Variants in EPHA6 observed in about 807,000 individuals in gnomAD.
The protein encoded by EPHA6 is EPH receptor A6, also known as ephrin type-A receptor 6.
Under a neutral mutation model 112.0 loss-of-function variants are expected in EPHA6, and 50 were observed. The observed-to-expected ratio is 0.45, with a 90% CI of 0.36 to 0.56. The LOEUF (loss-of-function observed/expected upper bound fraction) is 0.56, where lower values mean the gene tolerates loss of function less well. EPHA6 is among the 20% of genes least tolerant of loss of function. The pLI is 0.00. For synonymous variants in EPHA6, 529 were observed against 490.7 expected, an observed-to-expected ratio of 1.08 and a Z score of -1.03; for missense variants, 1,280 against 1,417.4, an observed-to-expected ratio of 0.90 and a Z score of 1.56.
chr3:97,431,215 T>C (rs2089483004), intron 6 of EPHA6, among the ~76,000 whole-genome samples: 1 of 152,134 alleles, frequency 6.6e-6, no homozygotes, highest in African/African-American at 2.4e-5. Context: ...TTCACATATG[T>C]GTATATTTTA....
Position 97,761,378 on chromosome 3 carries a change from CATA to C in EPHA6, c.*12682_*12684del, listed in dbSNP as rs774907655. The C allele has an allele frequency of 5.4e-6, 1 of 184,882 alleles. No individual in the cohort carries two copies. The highest frequency in any genetic ancestry group is 1.1e-5 in the Non-Finnish European group (1 of 87,214). 11.5% of individuals were successfully genotyped at this position (184,882 alleles called of 1,614,324 possible). On this transcript the variant is annotated 3_prime_UTR_variant, in exon 18 of 18. Coordinates refer to ENST00000389672, the MANE Select transcript of EPHA6 (RefSeq NM_001080448.3). Reference sequence around the variant, plus strand: ...GTTTAGCAAACTACCTGCTGAGCAACATAATAAGATTTTTGTACAAGGTACAAA... The same window carrying C: ...GTTTAGCAAACTACCTGCTGAGCAACATAAGATTTTTGTACAAGGTACAAA...
chr3:96,904,406 A>G (rs188416667), intron 2 of EPHA6, among the ~76,000 whole-genome samples: 2,081 of 138,286 alleles, frequency 0.015, 55 homozygotes, highest in African/African-American at 0.053. Context: ...GAATTGAACA[A>G]TGAGAACACA....
intron 3 of EPHA6, among the ~76,000 whole-genome samples, chr3:97,075,759 C>T (rs538403845): frequency 5.9e-4 from 89 of 150,792 alleles, no homozygotes; most frequent in Non-Finnish European, 8.3e-4. Context: ...AGAGCCAGTG[C>T]GTTGGCTCAA....
At chr3:97,365,536 C>T (rs1400489409) in intron 5 of EPHA6, among the ~76,000 whole-genome samples, 1 of 152,018 alleles carries the variant, frequency 6.6e-6, no homozygotes, top group African/African-American at 2.4e-5. Flanking sequence ...CACACGCCAC[C>T]ACACCCAGCT....
chr3:96,912,280 T>A (rs1466127849), intron 2 of EPHA6, among the ~76,000 whole-genome samples: 5 of 152,160 alleles, frequency 3.3e-5, no homozygotes, highest in Middle Eastern at 3.2e-3. Context: ...AGTCCTGTCA[T>A]GTTGAAGTGA....
At chr3:97,289,050 A>G (rs560420402) in intron 5 of EPHA6, among the ~76,000 whole-genome samples, 6 of 149,598 alleles carry the variant, frequency 4.0e-5, no homozygotes, top group Non-Finnish European at 8.9e-5. Flanking sequence ...TACTCTGTTG[A>G]CAGTTACTTT....
At position 96,892,967 on chromosome 3, in the gene EPHA6, TGTGTGTGTGTGTGTTC is replaced by T. The variant is rs796224146; in HGVS notation, c.450+26093_450+26108del. Reference sequence around the variant, plus strand: ...ATATATATATATATGTGTGTGTGTGTGTGTGTGTGTGTGTTCGTGTGTGTGTGTGTGCGCGCGCAAA... The same window carrying T: ...ATATATATATATATGTGTGTGTGTGTGTGTGTGTGTGTGTGCGCGCGCAAA... On this transcript the variant is annotated intron_variant, in intron 2 of 17. Transcript: ENST00000389672. Among the ~76,000 whole-genome samples the T allele has an allele frequency of 6.8e-5, 9 of 132,134 alleles. No homozygotes were observed. The East Asian group carries it at 2.1e-3, about 31-fold the overall frequency. 86.7% of individuals were successfully genotyped at this position (132,134 alleles called of 152,430 possible). A position where few individuals can be genotyped will look rare whatever the true frequency, so the allele number is the denominator to read the frequency against.
chr3:97,717,514 T>A (rs2034302679), intron 14 of EPHA6, among the ~76,000 whole-genome samples: 1 of 152,198 alleles, frequency 6.6e-6, no homozygotes. Context: ...AGATGGCTTC[T>A]TCTTGAGGAT....
At chr3:97,179,737 C>G (rs940315125) in intron 3 of EPHA6, among the ~76,000 whole-genome samples, 1 of 150,590 alleles carries the variant, frequency 6.6e-6, no homozygotes, top group African/African-American at 2.5e-5. Context: ...CTCTCTCTCT[C>G]TCTCTCTCTC....
chr3:96,971,850 G>A (rs554291794), intron 2 of EPHA6, among the ~76,000 whole-genome samples: 20 of 152,134 alleles, frequency 1.3e-4, no homozygotes, highest in African/African-American at 4.8e-4. Flanking sequence ...TTAGAATGAA[G>A]TTGAAGATTT....
intron 14 of EPHA6, among the ~76,000 whole-genome samples, chr3:97,647,486 T>C (rs2094074169): frequency 1.3e-5 from 2 of 152,042 alleles, no homozygotes; most frequent in East Asian, 1.9e-4. Context: ...TGGGCCAAGA[T>C]AGAAGGAAAT....
At chr3:97,300,650 A>G (rs78130486) in intron 5 of EPHA6, among the ~76,000 whole-genome samples, 4,151 of 152,170 alleles carry the variant, frequency 0.027, 185 homozygotes, top group African/African-American at 0.094. Context: ...CTCTAGTCCC[A>G]TCCTAGAATC....
At position 97,180,268 on chromosome 3, in the gene EPHA6, C is replaced by T. The variant is rs150286983; in HGVS notation, c.1115-45996C>T. ...CATGAATTCCTCCTGACCTGGTACT[C>T]GTCCTTCAGGGCATTGGGCACTCCT... On this transcript the variant is annotated intron_variant, in intron 3 of 17. Coordinates refer to ENST00000389672, the MANE Select transcript of EPHA6 (RefSeq NM_001080448.3). 4.1e-4 allele frequency among the ~76,000 whole-genome samples: 63 copies of T among 152,142 alleles called. 1 individual carries two copies. In the East Asian group the frequency reaches 6.4e-3, roughly 16 times the overall value.
chr3:96,896,477 A>G (rs544180556), intron 2 of EPHA6, among the ~76,000 whole-genome samples: 3 of 152,312 alleles, frequency 2.0e-5, no homozygotes, highest in African/African-American at 7.2e-5. Flanking sequence ...GGATTCAAGC[A>G]GTAAGCCTGG....
intron 5 of EPHA6, among the ~76,000 whole-genome samples, chr3:97,259,291 G>A (rs2079419771): frequency 6.6e-6 from 1 of 150,718 alleles, no homozygotes. Context: ...ATAACAATAA[G>A]AATATCTTCT....
chr3:97,522,582 T>G (rs1160884272), intron 10 of EPHA6, among the ~76,000 whole-genome samples: 1 of 152,174 alleles, frequency 6.6e-6, no homozygotes, highest in Non-Finnish European at 1.5e-5. Context: ...TTAGAAGTAT[T>G]CTCTCTTCTT....
rs2036043697 is a variant in EPHA6, at chr3:97,757,034, T to C, written c.*8333T>C. Among the ~76,000 whole-genome samples the C allele has an allele frequency of 6.6e-6, 1 of 151,886 alleles. No homozygotes were observed. Among genetic ancestry groups the C allele is most frequent in the Non-Finnish European group, 1.5e-5 (1 of 67,754 alleles). ...TTGTTTCTTAAAATGTTAATTATGG[T>C]ATACGTGCTATAGTAACCTCATTTT... is the stretch of plus-strand genomic sequence containing the variant. On this transcript the variant is annotated 3_prime_UTR_variant, in exon 18 of 18. Transcript: ENST00000389672.
At chr3:97,074,170 A>T (rs1410472688) in intron 3 of EPHA6, among the ~76,000 whole-genome samples, 3 of 151,854 alleles carry the variant, frequency 2.0e-5, no homozygotes, top group African/African-American at 7.2e-5. Context: ...GGTGTTCTTG[A>T]TGGGCATTTA....
chr3:97,665,546 A>T (rs2029958375), intron 14 of EPHA6, among the ~76,000 whole-genome samples: 1 of 152,248 alleles, frequency 6.6e-6, no homozygotes, highest in Non-Finnish European at 1.5e-5. Context: ...AAAAAGATCC[A>T]GCCTGGTCAC....
Sources: allele counts gnomAD v4.1 joint callset (sites outside exome capture counted in the v4.1 genomes callset), GRCh38; gene constraint gnomAD v4.1.1; transcripts MANE v1.5; gene names NCBI Gene and HGNC (gene_info 2026-07-23, HGNC 2026-07-21).